PRR16: variants seen among roughly 807,000 people sequenced by gnomAD.
PRR16 encodes the protein protein Largen.
In PRR16, 6 loss-of-function variants were observed where a neutral mutation model predicts 18.2. That is an observed-to-expected ratio of 0.33 (90% CI 0.18 to 0.65). The LOEUF is 0.65. Ranked by LOEUF, PRR16 falls within the 30% of genes least tolerant of loss-of-function variation. The pLI is 0.74. For missense variants in PRR16, 412 were observed against 376.6 expected (o/e 1.09, Z -0.78); for synonymous variants, 151 against 147.8 (o/e 1.02, Z -0.16).
At chr5:120,652,258 A>T (rs1295342539) in intron 1 of PRR16, among the ~76,000 whole-genome samples, 1 of 152,072 alleles carries the variant, frequency 6.6e-6, no homozygotes, top group East Asian at 1.9e-4. Context: ...TTGATATTCT[A>T]CATGGACATC....
chr5:120,636,529 C>T (rs935149005), intron 1 of PRR16, among the ~76,000 whole-genome samples: 9 of 151,992 alleles, frequency 5.9e-5, no homozygotes, highest in South Asian at 2.1e-4. Context: ...ACATCAAGTG[C>T]GGAAAGGACA....
At chr5:120,606,316 C>T (rs2112797636) in intron 1 of PRR16, among the ~76,000 whole-genome samples, 1 of 152,196 alleles carries the variant, frequency 6.6e-6, no homozygotes, top group South Asian at 2.1e-4. Flanking sequence ...AGTAGGCATC[C>T]AGTTATATGG....
intron 1 of PRR16, among the ~76,000 whole-genome samples, chr5:120,651,024 A>G (rs917550408): frequency 1.3e-5 from 2 of 152,084 alleles, no homozygotes; most frequent in African/African-American, 4.8e-5. Context: ...GCCATTCTAA[A>G]TGTTGTGAGA....
intron 1 of PRR16, among the ~76,000 whole-genome samples, chr5:120,530,837 T>C (rs1458489846): frequency 6.6e-6 from 1 of 152,196 alleles, no homozygotes; most frequent in Non-Finnish European, 1.5e-5. Flanking sequence ...TTTTCCCATC[T>C]AAGCCAGGAA....
the PRR16 span, among the ~76,000 whole-genome samples, chr5:120,775,796 A>ATTTTTTTTTTT: frequency 7.3e-4 from 59 of 80,590 alleles, no homozygotes; most frequent in East Asian, 1.7e-3. Context: ...ACGCCTGGCT[A>ATTTTTTTTTTT]TTTTTTTTTT....
chr5:120,641,007 T>C (rs139452730), intron 1 of PRR16, among the ~76,000 whole-genome samples: 134 of 152,150 alleles, frequency 8.8e-4, no homozygotes, highest in African/African-American at 3.0e-3. Context: ...GAGGCGATTG[T>C]AAGGCCTAGG....
intron 1 of PRR16, among the ~76,000 whole-genome samples, chr5:120,470,622 C>T (rs929570628): frequency 3.9e-5 from 6 of 152,032 alleles, no homozygotes; most frequent in South Asian, 2.1e-4. Flanking sequence ...GGTTATTAAA[C>T]GTCACTAGAA....
chr5:120,575,183 C>T (rs1753032846), intron 1 of PRR16, among the ~76,000 whole-genome samples: 1 of 151,980 alleles, frequency 6.6e-6, no homozygotes, highest in African/African-American at 2.4e-5. Context: ...GTTTCAGGCA[C>T]CCATTGGGGA....
intron 1 of PRR16, among the ~76,000 whole-genome samples, chr5:120,612,167 A>G (rs887291749): frequency 2.6e-5 from 4 of 152,066 alleles, no homozygotes; most frequent in African/African-American, 9.7e-5. Flanking sequence ...CTGTACCTCC[A>G]CTGTTTCTAG....
At chr5:120,696,163 A>T in the PRR16 span, among the ~76,000 whole-genome samples, 1 of 152,126 alleles carries the variant, frequency 6.6e-6, no homozygotes, top group African/African-American at 2.4e-5. Flanking sequence ...GATAGTGTGA[A>T]CCCAGGAGGT....
the PRR16 span, among the ~76,000 whole-genome samples, chr5:120,725,947 T>A: frequency 8.5e-4 from 129 of 152,192 alleles, no homozygotes; most frequent in African/African-American, 2.9e-3. Flanking sequence ...ATCCATCCTC[T>A]CTGAGACTCC....
the PRR16 span, among the ~76,000 whole-genome samples, chr5:120,727,982 T>C: frequency 6.6e-6 from 1 of 151,966 alleles, no homozygotes; most frequent in African/African-American, 2.4e-5. Flanking sequence ...AAGTTATCTA[T>C]AGAATATCTA....
the PRR16 span, among the ~76,000 whole-genome samples, chr5:120,772,501 G>C: frequency 6.7e-3 from 1,018 of 152,122 alleles, 15 homozygotes; most frequent in African/African-American, 0.024. Flanking sequence ...TAAAGCTTAT[G>C]TATTATTAAT....
chr5:120,749,982 A>G, the PRR16 span, among the ~76,000 whole-genome samples: 1 of 152,202 alleles, frequency 6.6e-6, no homozygotes, highest in Non-Finnish European at 1.5e-5. Flanking sequence ...CCCATGGTAT[A>G]ATGAAGATTA....
At chr5:120,792,309 C>T in the PRR16 span, among the ~76,000 whole-genome samples, 3 of 152,144 alleles carry the variant, frequency 2.0e-5, no homozygotes, top group African/African-American at 4.8e-5. Context: ...GAGTTAGAGA[C>T]TGGAGGTGGC....
chr5:120,784,072 G>C, the PRR16 span, among the ~76,000 whole-genome samples: 1 of 152,070 alleles, frequency 6.6e-6, no homozygotes, highest in African/African-American at 2.4e-5. Flanking sequence ...ATATTTCATT[G>C]TATATATGTT....
At chr5:120,762,177 G>A in the PRR16 span, among the ~76,000 whole-genome samples, 1 of 152,126 alleles carries the variant, frequency 6.6e-6, no homozygotes, top group African/African-American at 2.4e-5. Context: ...AATAAGCATG[G>A]TGGAGGGCAA....
intron 1 of PRR16, among the ~76,000 whole-genome samples, chr5:120,602,078 T>C (rs1427570454): frequency 6.6e-6 from 1 of 152,108 alleles, no homozygotes; most frequent in African/African-American, 2.4e-5. Context: ...AATTTTCTAA[T>C]AGTTTTTACT....
At chr5:120,492,808 G>A (rs557751368) in intron 1 of PRR16, among the ~76,000 whole-genome samples, 23 of 152,256 alleles carry the variant, frequency 1.5e-4, no homozygotes, top group Non-Finnish European at 3.1e-4. Flanking sequence ...AGGACATATG[G>A]TATTTGGTTT....
Sources: gnomAD v4.1 joint callset for allele counts (sites outside exome capture counted in the v4.1 genomes callset) on GRCh38, gnomAD v4.1.1 for gene constraint, MANE v1.5 for transcripts, NCBI Gene and HGNC (gene_info 2026-07-23, HGNC 2026-07-21) for gene names.